ARID2: variants seen among roughly 807,000 people sequenced by gnomAD.
The protein encoded by ARID2 is AT-rich interactive domain-containing protein 2.
ARID2 carries 32 observed loss-of-function variants against 184.6 expected under a neutral mutation model. The ratio of observed to expected loss-of-function variants is 0.17; its 90% CI spans 0.13 to 0.23. ARID2 has a LOEUF of 0.23. ARID2 is among the 10% of genes least tolerant of loss of function. The pLI, the probability that ARID2 is intolerant of heterozygous loss-of-function variation, is 1.00. For synonymous variants in ARID2, 836 were observed against 772.6 expected (o/e 1.08, Z -1.36); for missense variants, 1,696 against 2,197.6 (o/e 0.77, Z 4.56).
intron 3 of ARID2, among the ~76,000 whole-genome samples, chr12:45,773,347 A>G (rs1042869786): frequency 1.3e-5 from 2 of 152,094 alleles, no homozygotes. Flanking sequence ...CTGAAAAAAG[A>G]GCAAACCTAA....
intron 20 of ARID2, among the ~76,000 whole-genome samples, chr12:45,903,229 T>C (rs1405278872): frequency 6.6e-6 from 1 of 152,238 alleles, no homozygotes; most frequent in Admixed American, 6.5e-5. Context: ...TGTATTTTTT[T>C]CTCTGCTTTT....
At chr12:45,791,066 T>G (rs186722059) in intron 3 of ARID2, among the ~76,000 whole-genome samples, 122 of 152,278 alleles carry the variant, frequency 8.0e-4, no homozygotes, top group African/African-American at 2.8e-3. Context: ...CAAGTGAAAT[T>G]GGTGGATTGT....
intron 3 of ARID2, among the ~76,000 whole-genome samples, chr12:45,788,717 A>G (rs1361462350): frequency 6.6e-6 from 1 of 152,160 alleles, no homozygotes. Context: ...GCAGTGAGAG[A>G]TGGAATTCTG....
At chr12:45,899,655 A>ATATATATATGGT (rs1565644788) in intron 20 of ARID2, among the ~76,000 whole-genome samples, 8 of 51,486 alleles carry the variant, frequency 1.6e-4, no homozygotes, top group African/African-American at 2.1e-4. Context: ...ATATTTGGTT[A>ATATATATATGGT]TATATATATA....
intron 20 of ARID2, among the ~76,000 whole-genome samples, chr12:45,899,196 C>T (rs570032455): frequency 3.5e-5 from 5 of 142,364 alleles, no homozygotes; most frequent in South Asian, 2.2e-4. Context: ...CATTTGAACC[C>T]GTAAGGCGGA....
chr12:45,902,536 T>A (rs1028724395), intron 20 of ARID2, among the ~76,000 whole-genome samples: 1 of 141,624 alleles, frequency 7.1e-6, no homozygotes, highest in African/African-American at 2.7e-5. Context: ...ATTTTGTAAA[T>A]TTTTTTTTTT....
intron 3 of ARID2, among the ~76,000 whole-genome samples, chr12:45,747,494 CT>C (rs1220771754): frequency 6.6e-6 from 1 of 151,626 alleles, no homozygotes; most frequent in Non-Finnish European, 1.5e-5. Flanking sequence ...TGGCAATGCA[CT>C]TTTTGGCATC....
At chr12:45,845,322 AG>A (rs1943422522) in intron 11 of ARID2, among the ~76,000 whole-genome samples, 2 of 152,192 alleles carry the variant, frequency 1.3e-5, no homozygotes, top group South Asian at 4.1e-4. Flanking sequence ...TCAACTTAGA[AG>A]GGGAAGAAAA....
At chr12:45,732,245 G>A (rs1941018173) in intron 3 of ARID2, among the ~76,000 whole-genome samples, 1 of 152,024 alleles carries the variant, frequency 6.6e-6, no homozygotes, top group Admixed American at 6.6e-5. Flanking sequence ...GATAGTACAG[G>A]CCTTTTTTTG....
intron 20 of ARID2, among the ~76,000 whole-genome samples, chr12:45,895,854 A>G (rs1191004087): frequency 6.6e-6 from 1 of 152,136 alleles, no homozygotes; most frequent in Non-Finnish European, 1.5e-5. Flanking sequence ...TTACAATAGC[A>G]TCAAAAAGAG....
At position 45,764,257 on chromosome 12, in the gene ARID2, G is replaced by A. The variant is rs187133317; in HGVS notation, c.284+32943G>A. ...ATAGTTATACTTGGTGGTGGAACTCGAAACAGTGATTGTGTGAAAGAACAC... is the reference window on the plus strand; with the variant it reads ...ATAGTTATACTTGGTGGTGGAACTCAAAACAGTGATTGTGTGAAAGAACAC... On this transcript the variant is annotated intron_variant, in intron 3 of 20. Coordinates refer to ENST00000334344, the MANE Select transcript of ARID2 (RefSeq NM_152641.4). 3.3e-5 allele frequency among the ~76,000 whole-genome samples: 5 copies of A among 152,182 alleles called. No homozygotes were observed. In the East Asian group the frequency reaches 9.6e-4, roughly 29 times the overall value.
chr12:45,893,982 A>C, intron 20 of ARID2: 1 of 257,722 alleles, frequency 3.9e-6, no homozygotes, highest in Non-Finnish European at 7.2e-6. Flanking sequence ...TTAGAACAAA[A>C]AGCAGCTGTA....
chr12:45,762,280 C>T (rs1280607042), intron 3 of ARID2, among the ~76,000 whole-genome samples: 1 of 152,136 alleles, frequency 6.6e-6, no homozygotes, highest in African/African-American at 2.4e-5. Flanking sequence ...GAGAGATGGA[C>T]ATACACCGAG....
intron 4 of ARID2, among the ~76,000 whole-genome samples, chr12:45,811,886 C>T (rs895300175): frequency 2.0e-5 from 3 of 152,106 alleles, no homozygotes; most frequent in Admixed American, 2.0e-4. Flanking sequence ...CAAGAATTTT[C>T]TTATAGAGTC....
chr12:45,881,301 C>T (rs1400532708), intron 16 of ARID2: 8 of 161,324 alleles, frequency 5.0e-5, no homozygotes. Flanking sequence ...TGTTGCAAGG[C>T]CTTCCACCTC....
At chr12:45,899,871 T>C in intron 20 of ARID2, among the ~76,000 whole-genome samples, 1 of 151,348 alleles carries the variant, frequency 6.6e-6, no homozygotes, top group Non-Finnish European at 1.5e-5. Context: ...TTACTATTTC[T>C]TAACTTATCT....
At chr12:45,892,185 A>C in intron 18 of ARID2, 89 bp downstream of exon 18, 2 of 1,318,642 alleles carry the variant, frequency 1.5e-6, no homozygotes, top group Non-Finnish European at 2.1e-6. Flanking sequence ...GCATATTAGG[A>C]GACCAGAAAC....
intron 10 of ARID2, 104 bp from the exon 11 acceptor site, chr12:45,839,225 C>T: frequency 1.9e-6 from 2 of 1,078,472 alleles, no homozygotes; most frequent in Non-Finnish European, 1.3e-6. Flanking sequence ...CATGGACTAG[C>T]ATTTATTCAC....
In ARID2 at chr12:45,748,498, A is replaced by G. The variant is rs2137990218; in HGVS notation, c.284+17184A>G. Among the ~76,000 whole-genome samples the G allele has an allele frequency of 2.0e-5, 3 of 152,332 alleles. No individual in the cohort carries two copies. The South Asian group carries it at 6.2e-4, about 32-fold the overall frequency. ...TACTGGTGAAAGGTCTTGCCTTGAT[A>G]TTGATGGCTGCTGACTGATCAGGGT... On this transcript the variant is annotated intron_variant, in intron 3 of 20. Coordinates refer to ENST00000334344, the MANE Select transcript of ARID2 (RefSeq NM_152641.4).
Sources: gnomAD v4.1 joint callset for allele counts (sites outside exome capture counted in the v4.1 genomes callset) on GRCh38, gnomAD v4.1.1 for gene constraint, MANE v1.5 for transcripts, NCBI Gene and HGNC (gene_info 2026-07-23, HGNC 2026-07-21) for gene names.